The following DOP1B variants were observed in gnomAD, a reference collection of about 807,000 sequenced individuals.
DOP1B encodes the protein DOP1 leucine zipper like protein B, also known as protein DOP1B.
A neutral mutation model predicts 233.5 loss-of-function variants in DOP1B; 174 were observed. The ratio of observed to expected loss-of-function variants is 0.75; its 90% CI spans 0.66 to 0.85. The LOEUF is 0.85. Among genes scored for constraint, DOP1B ranks in the 40% least tolerant of loss-of-function variants. The probability of loss-of-function intolerance (pLI) is 0.00; values close to 1 mark genes in which losing one functional copy is unlikely to be tolerated. For missense variants in DOP1B, 2,652 were observed against 2,846.6 expected, an observed-to-expected ratio of 0.93 and a Z score of 1.56; for synonymous variants, 1,190 against 1,185.6, an observed-to-expected ratio of 1.00 and a Z score of -0.08.
chr21:36,166,486 G>T (rs2065912640), intron 2 of DOP1B, among the ~76,000 whole-genome samples: 1 of 151,944 alleles, frequency 6.6e-6, no homozygotes, highest in Non-Finnish European at 1.5e-5. Context: ...TGCCAAAAAG[G>T]TTGGGAACCA....
chr21:36,172,745 CAA>C (rs796672110), intron 2 of DOP1B, among the ~76,000 whole-genome samples: 2 of 145,876 alleles, frequency 1.4e-5, no homozygotes, highest in Non-Finnish European at 1.5e-5. Flanking sequence ...GACCCTGGCT[CAA>C]AAAAAAAAAG....
chr21:36,200,399 A>C lies in DOP1B; in HGVS notation c.389A>C (p.Glu130Ala), dbSNP rs754534115. Reference sequence around the variant, plus strand: ...AGGCCGGTGCTGCTCACCCTGTACGAGAAGTACTTCCTCCCACTGCAGAAG... The same window carrying C: ...AGGCCGGTGCTGCTCACCCTGTACGCGAAGTACTTCCTCCCACTGCAGAAG... ...SVRPVLLTLY[E>A]KYFLPLQKLL... The change falls in exon 4 of 37, where the codon GAG becomes GCG. Residue 130 changes from glutamate to alanine, a missense_variant. Transcript: ENST00000691173. 4 of 1,613,582 alleles carry C rather than the reference A, an allele frequency of 2.5e-6. No homozygotes were observed. In the Admixed American group the frequency reaches 6.7e-5, roughly 27 times the overall value.
intron 4 of DOP1B, among the ~76,000 whole-genome samples, chr21:36,203,666 G>C (rs1028818652): frequency 2.0e-5 from 3 of 151,814 alleles, no homozygotes; most frequent in Non-Finnish European, 4.4e-5. Context: ...TGATGAGCAC[G>C]TGGGTAGAAA....
At chr21:36,254,733 C>T (rs112424231) in intron 23 of DOP1B, among the ~76,000 whole-genome samples, 1 of 151,960 alleles carries the variant, frequency 6.6e-6, no homozygotes, top group Non-Finnish European at 1.5e-5. Flanking sequence ...TCAGGGGTCT[C>T]GCAGGAACAA....
rs767730580 is a variant in DOP1B, at chr21:36,251,171, CA to C, written c.5014del (p.Ile1672PhefsTer2). 1 of 1,609,510 alleles carries C rather than the reference CA, an allele frequency of 6.2e-7. No homozygotes were observed. Among genetic ancestry groups the C allele is most frequent in the East Asian group, 2.2e-5 (1 of 44,828 alleles). ...VYFKTTKTIR[Q>X]KILDFLNPLT... ...TTTCCCTATTTTCTAGACCATAAGA[CA>C]AAAAATTTTAGACTTCTTAAACCCC... On this transcript the variant is annotated frameshift_variant, in exon 22 of 37. Coordinates refer to ENST00000691173, the MANE Select transcript of DOP1B (RefSeq NM_001320714.2). LOFTEE classifies it high-confidence loss of function.
Position 36,268,697 on chromosome 21 carries a change from G to A in DOP1B, c.5488-1316G>A, listed in dbSNP as rs181636494. On this transcript the variant is annotated intron_variant, in intron 26 of 36. Coordinates refer to ENST00000691173, the MANE Select transcript of DOP1B (RefSeq NM_001320714.2). ...CTTTGTTCGGGGTCGCTGACTTCCCGCAACACTCTGTCACCAGGCTGGAGT... is the reference window on the plus strand; with the variant it reads ...CTTTGTTCGGGGTCGCTGACTTCCCACAACACTCTGTCACCAGGCTGGAGT... Among the ~76,000 whole-genome samples, 426 of 152,200 alleles carry A rather than the reference G, an allele frequency of 2.8e-3. 1 individual carries two copies. The highest frequency in any genetic ancestry group is 9.5e-3 in the African/African-American group (395 of 41,532).
At position 36,192,625 on chromosome 21, in the gene DOP1B, C is replaced by G. The variant is rs565116151; in HGVS notation, c.139-6445C>G. On this transcript the variant is annotated intron_variant, in intron 2 of 36. Coordinates refer to ENST00000691173, the MANE Select transcript of DOP1B (RefSeq NM_001320714.2). ...TCTCCAATTCCTAGGCTCAAGTGAT[C>G]TGTCCTTCTTGGCCTCTCAGAGTGC... is the stretch of plus-strand genomic sequence containing the variant. 3.9e-5 allele frequency among the ~76,000 whole-genome samples: 6 copies of G among 152,104 alleles called. No individual in the cohort carries two copies. In the East Asian group the frequency reaches 1.2e-3, roughly 29 times the overall value.
chr21:36,272,694 C>T (rs906781694), intron 27 of DOP1B, among the ~76,000 whole-genome samples: 3 of 142,546 alleles, frequency 2.1e-5, no homozygotes, highest in Non-Finnish European at 4.6e-5. Flanking sequence ...ACAGCAAGAC[C>T]CCATCTCAGG....
In DOP1B at chr21:36,260,748, G is replaced by A. The variant is rs556083545; in HGVS notation, c.5315+16G>A. The A allele has an allele frequency of 3.1e-6, 5 of 1,613,416 alleles. No individual in the cohort carries two copies. Among genetic ancestry groups the A allele is most frequent in the African/African-American group, 2.7e-5 (2 of 74,994 alleles). ...TTCTCCAAAGGTAATACAGTCCCCC[G>A]TCCTCCAAAAACTTCCTTAAATACA... On this transcript the variant is annotated intron_variant, in intron 24 of 36. Coordinates refer to ENST00000691173, the MANE Select transcript of DOP1B (RefSeq NM_001320714.2).
chr21:36,263,868 T>C, intron 26 of DOP1B, 54 bp downstream of exon 26: 1 of 1,515,810 alleles, frequency 6.6e-7, no homozygotes, highest in Non-Finnish European at 9.2e-7. Flanking sequence ...AGTGCTGTCC[T>C]CCTTTGGGGG....
Position 36,251,294 on chromosome 21 carries a change from A to G in DOP1B, c.5121+10A>G, listed in dbSNP as rs1355600239. On this transcript the variant is annotated intron_variant, in intron 22 of 36. Coordinates refer to ENST00000691173, the MANE Select transcript of DOP1B (RefSeq NM_001320714.2). ...TCACAGTAAGATGAAGGTAAAGTTT[A>G]AAAAGTTACAGGAGTGGTTAAACTT... 6.2e-7 allele frequency: 1 copy of G among 1,608,596 alleles called. No homozygotes were observed. Among genetic ancestry groups the G allele is most frequent in the Non-Finnish European group, 8.5e-7 (1 of 1,178,598 alleles).
rs759770451 is a variant in DOP1B, at chr21:36,227,897, G to C, written c.1665+20G>C. On this transcript the variant is annotated intron_variant, in intron 13 of 36. Coordinates refer to ENST00000691173, the MANE Select transcript of DOP1B (RefSeq NM_001320714.2). ...ACCTCGGTGTGTACTCTGAGGGGCA[G>C]AAATGGTTCTGGGGGCTAAAAGCAG... The C allele has an allele frequency of 2.6e-6, 4 of 1,557,108 alleles. No homozygotes were observed. The highest frequency in any genetic ancestry group is 3.5e-6 in the Non-Finnish European group (4 of 1,147,400).
chr21:36,216,737 G>C (rs2066564200), intron 9 of DOP1B, among the ~76,000 whole-genome samples: 1 of 152,128 alleles, frequency 6.6e-6, no homozygotes, highest in Admixed American at 6.5e-5. Flanking sequence ...TCATTTCAGT[G>C]CTCCAGGTGT....
chr21:36,247,283 A>G (rs1488770300), intron 19 of DOP1B, among the ~76,000 whole-genome samples: 5 of 152,234 alleles, frequency 3.3e-5, no homozygotes, highest in Admixed American at 6.5e-5. Context: ...AAAAATGTGA[A>G]TCATCTTCAC....
chr21:36,198,828 C>T (rs2066324048), intron 2 of DOP1B, among the ~76,000 whole-genome samples: 1 of 152,240 alleles, frequency 6.6e-6, no homozygotes, highest in Admixed American at 6.5e-5. Flanking sequence ...ATCACGGGCT[C>T]AGAGGTGTGA....
At chr21:36,227,606 A>C (rs2066708290) in intron 12 of DOP1B, 80 bp from the exon 13 acceptor site, 1 of 1,241,678 alleles carries the variant, frequency 8.1e-7, no homozygotes, top group East Asian at 2.5e-5. Flanking sequence ...AAAAAATTGA[A>C]TTAGATGCCA....
intron 9 of DOP1B, among the ~76,000 whole-genome samples, chr21:36,217,305 G>A (rs2066571532): frequency 6.6e-6 from 1 of 152,160 alleles, no homozygotes; most frequent in Admixed American, 6.5e-5. Context: ...AATAACCATG[G>A]CTGACATTTT....
chr21:36,185,388 CA>C (rs2066152582), intron 2 of DOP1B, among the ~76,000 whole-genome samples: 1 of 152,134 alleles, frequency 6.6e-6, no homozygotes, highest in South Asian at 2.1e-4. Flanking sequence ...CATTTTTCAT[CA>C]CTTCTGAGAC....
intron 18 of DOP1B, among the ~76,000 whole-genome samples, chr21:36,241,283 G>C (rs2066888609): frequency 6.6e-6 from 1 of 151,332 alleles, no homozygotes. Flanking sequence ...AAAAGAGTGA[G>C]ACTCCATCTC....
Sources: allele counts gnomAD v4.1 joint callset (sites outside exome capture counted in the v4.1 genomes callset), GRCh38; gene constraint gnomAD v4.1.1; transcripts MANE v1.5; gene names NCBI Gene and HGNC (gene_info 2026-07-23, HGNC 2026-07-21).